The following FAM107B variants were observed in gnomAD, a reference collection of about 807,000 sequenced individuals.
FAM107B encodes the protein protein FAM107B.
FAM107B carries 21 observed loss-of-function variants against 31.5 expected under a neutral mutation model. That is an observed-to-expected ratio of 0.67 (90% CI 0.47 to 0.96). The LOEUF (loss-of-function observed/expected upper bound fraction) is 0.96. Ranked by LOEUF, FAM107B falls within the 40% of genes least tolerant of loss-of-function variation. The pLI is 0.00. For synonymous variants in FAM107B, 157 were observed against 141.5 expected (o/e 1.11, Z -0.78); for missense variants, 452 against 377.1 (o/e 1.20, Z -1.64).
chr10:14,714,422 T>G (rs1244216151), intron 1 of FAM107B, among the ~76,000 whole-genome samples: 1 of 152,122 alleles, frequency 6.6e-6, no homozygotes, highest in Non-Finnish European at 1.5e-5. Flanking sequence ...GGGATGATGG[T>G]GCACCGGAAC....
At chr10:14,761,430 C>T (rs1270346290) in intron 1 of FAM107B, among the ~76,000 whole-genome samples, 1 of 152,048 alleles carries the variant, frequency 6.6e-6, no homozygotes, top group Admixed American at 6.5e-5. Context: ...CACATTGAGG[C>T]TTTTTATAAG....
chr10:14,571,525 T>A (rs1244956677), intron 2 of FAM107B, among the ~76,000 whole-genome samples: 1 of 152,136 alleles, frequency 6.6e-6, no homozygotes, highest in Admixed American at 6.5e-5. Flanking sequence ...ATGGTTGGCA[T>A]CTGAAGAAAT....
chr10:14,768,105 G>C lies in FAM107B; in HGVS notation c.411+6148C>G, dbSNP rs1225844757. Among the ~76,000 whole-genome samples, 3 of 152,046 alleles carry C rather than the reference G, an allele frequency of 2.0e-5. No individual in the cohort carries two copies. The South Asian group carries it at 6.2e-4, about 32-fold the overall frequency. On this transcript the variant is annotated intron_variant, in intron 1 of 4. Coordinates refer to ENST00000181796, the MANE Select transcript of FAM107B (RefSeq NM_031453.4). ...AATTAGCTTAACCTAGGAGGCAAAAGAAGTGCACATTGAAAACTTCAAAAT... is the reference window on the plus strand; with the variant it reads ...AATTAGCTTAACCTAGGAGGCAAAACAAGTGCACATTGAAAACTTCAAAAT...
chr10:14,622,653 G>T (rs1449454125), intron 2 of FAM107B, among the ~76,000 whole-genome samples: 1 of 152,148 alleles, frequency 6.6e-6, no homozygotes, highest in Non-Finnish European at 1.5e-5. Context: ...CATCTAAGCA[G>T]CACATTAAAG....
At position 14,774,881 on chromosome 10, in the gene FAM107B, C is replaced by A; in HGVS notation, c.-218G>T. The A allele has an allele frequency of 1.8e-6, 1 of 566,958 alleles. No homozygotes were observed. Among genetic ancestry groups the A allele is most frequent in the Non-Finnish European group, 3.1e-6 (1 of 321,250 alleles). 35.1% of individuals were successfully genotyped at this position (566,958 alleles called of 1,614,324 possible). The stretch of plus-strand genomic sequence containing the variant: ...TGAAAGTGTCCATCCTGGGCAATTT[C>A]GCGCTCTTCCTTCTGTGATGCTGTC... On this transcript the variant is annotated 5_prime_UTR_variant, in exon 1 of 5. Coordinates refer to ENST00000181796, the MANE Select transcript of FAM107B (RefSeq NM_031453.4).
At chr10:14,613,068 T>TTCAA (rs1425683194) in intron 2 of FAM107B, among the ~76,000 whole-genome samples, 1 of 152,036 alleles carries the variant, frequency 6.6e-6, no homozygotes, top group East Asian at 1.9e-4. Context: ...ACCTCCCAGG[T>TTCAA]TCAAGCAATT....
chr10:14,571,697 C>G, intron 2 of FAM107B: 1 of 879,126 alleles, frequency 1.1e-6, no homozygotes, highest in Non-Finnish European at 1.4e-6. Context: ...TAAGTTCACA[C>G]AACATTTTCT....
intron 2 of FAM107B, among the ~76,000 whole-genome samples, chr10:14,576,611 TCTGTAC>T (rs1025475251): frequency 3.4e-4 from 52 of 152,310 alleles, no homozygotes; most frequent in African/African-American, 1.2e-3. Context: ...ATTATGGCTT[TCTGTAC>T]TATGTGATAT....
intron 2 of FAM107B, among the ~76,000 whole-genome samples, chr10:14,658,565 A>T (rs574535648): frequency 1.3e-5 from 2 of 152,322 alleles, no homozygotes; most frequent in Non-Finnish European, 2.9e-5. Context: ...TCAAACAACC[A>T]TTACTTTTCA....
chr10:14,526,010 T>C (rs1302757266), intron 3 of FAM107B, among the ~76,000 whole-genome samples: 1 of 152,182 alleles, frequency 6.6e-6, no homozygotes, highest in African/African-American at 2.4e-5. Flanking sequence ...TGTGTACCTA[T>C]ATATTAATAA....
At chr10:14,619,941 A>C (rs996005936) in intron 2 of FAM107B, among the ~76,000 whole-genome samples, 2 of 151,196 alleles carry the variant, frequency 1.3e-5, no homozygotes, top group Non-Finnish European at 2.9e-5. Flanking sequence ...TGTCTTATAC[A>C]TTGATGAACT....
rs978876213 is a variant in FAM107B, at chr10:14,562,269, T to A, written c.470-31754A>T. The stretch of plus-strand genomic sequence containing the variant: ...CTAAAACAATATTAGAATATGCAAT[T>A]AAGTAGTTTTCCATCACAGTCTACA... On this transcript the variant is annotated intron_variant, in intron 2 of 4. Coordinates refer to ENST00000181796, the MANE Select transcript of FAM107B (RefSeq NM_031453.4). Among the ~76,000 whole-genome samples, 5 of 152,196 alleles carry A rather than the reference T, an allele frequency of 3.3e-5. No individual in the cohort carries two copies. In the East Asian group the frequency reaches 5.8e-4, roughly 18 times the overall value.
At chr10:14,603,137 T>G (rs1852459169) in intron 2 of FAM107B, among the ~76,000 whole-genome samples, 2 of 152,098 alleles carry the variant, frequency 1.3e-5, no homozygotes, top group African/African-American at 4.8e-5. Flanking sequence ...TATTTTCAAT[T>G]TTTTAATTAA....
At chr10:14,710,431 T>C (rs201151572) in intron 1 of FAM107B, among the ~76,000 whole-genome samples, 110 of 146,524 alleles carry the variant, frequency 7.5e-4, no homozygotes, top group Admixed American at 2.2e-3. Context: ...TCTCTAAAAA[T>C]ACACACACAC....
chr10:14,711,084 T>C (rs1334607751), intron 1 of FAM107B, among the ~76,000 whole-genome samples: 1 of 152,208 alleles, frequency 6.6e-6, no homozygotes, highest in Non-Finnish European at 1.5e-5. Flanking sequence ...TTACCTTTTG[T>C]ATTTTTTTAG....
intron 2 of FAM107B, among the ~76,000 whole-genome samples, chr10:14,638,945 C>A (rs1030659840): frequency 6.6e-6 from 1 of 152,134 alleles, no homozygotes; most frequent in African/African-American, 2.4e-5. Flanking sequence ...AATCTCAACA[C>A]TTTGGGAGGC....
intron 2 of FAM107B, among the ~76,000 whole-genome samples, chr10:14,627,195 T>C (rs1853187730): frequency 6.6e-6 from 1 of 152,170 alleles, no homozygotes; most frequent in South Asian, 2.1e-4. Context: ...GTCATAAGAT[T>C]AAAAAGGAAA....
chr10:14,569,482 C>CT, intron 2 of FAM107B, among the ~76,000 whole-genome samples: 1 of 152,094 alleles, frequency 6.6e-6, no homozygotes, highest in Non-Finnish European at 1.5e-5. Context: ...CCTCCGGAAG[C>CT]TAGACAGACT....
intron 2 of FAM107B, among the ~76,000 whole-genome samples, chr10:14,561,961 T>A (rs1850280060): frequency 6.6e-6 from 1 of 152,146 alleles, no homozygotes; most frequent in Admixed American, 6.5e-5. Flanking sequence ...ATTTTTGGTA[T>A]TTTTAGTAGA....
Sources: gnomAD v4.1 joint callset for allele counts (sites outside exome capture counted in the v4.1 genomes callset) on GRCh38, gnomAD v4.1.1 for gene constraint, MANE v1.5 for transcripts, NCBI Gene and HGNC (gene_info 2026-07-23, HGNC 2026-07-21) for gene names.